Variants in CCDC7 observed in about 807,000 individuals in gnomAD.
CCDC7 encodes the protein coiled-coil domain containing 7, also known as coiled-coil domain-containing protein 7.
A neutral mutation model predicts 196.9 loss-of-function variants in CCDC7; 183 were observed. The ratio of observed to expected loss-of-function variants is 0.93; its 90% CI spans 0.82 to 1.05. The LOEUF is 1.05. Among genes scored for constraint, CCDC7 ranks in the 50% least tolerant of loss-of-function variants. The probability of loss-of-function intolerance (pLI) is 0.00; values close to 1 mark genes in which losing one functional copy is unlikely to be tolerated. For synonymous variants in CCDC7, 525 were observed against 484.6 expected (o/e 1.08, Z -1.10); for missense variants, 1,540 against 1,482.2 (o/e 1.04, Z -0.64).
At chr10:32,447,433 T>G (rs2031627975), upstream of CCDC7, among the ~76,000 whole-genome samples, 1 of 152,216 alleles carries the variant, frequency 6.6e-6, no homozygotes, top group African/African-American at 2.4e-5. Flanking sequence ...TTTGATGGAA[T>G]TTTTGATGTT....
intron 11 of CCDC7, among the ~76,000 whole-genome samples, chr10:32,529,893 T>C (rs1051600033): frequency 7.9e-5 from 12 of 152,340 alleles, no homozygotes; most frequent in African/African-American, 2.6e-4. Flanking sequence ...CTAGAATCTT[T>C]ACGGTTTCAG....
At chr10:32,684,956 AATTT>A (rs2076290527) in intron 21 of CCDC7, among the ~76,000 whole-genome samples, 1 of 17,978 alleles carries the variant, frequency 5.6e-5, no homozygotes, top group African/African-American at 9.1e-5. Flanking sequence ...GATTTAATTT[AATTT>A]TTTTTTTTTT....
intron 41 of CCDC7, among the ~76,000 whole-genome samples, chr10:32,872,987 A>G (rs1007953941): frequency 6.6e-6 from 1 of 151,848 alleles, no homozygotes; most frequent in Non-Finnish European, 1.5e-5. Context: ...CCTTCATTTC[A>G]ACTTTGGTGA....
intron 20 of CCDC7, among the ~76,000 whole-genome samples, chr10:32,658,813 G>A (rs532796609): frequency 1.4e-3 from 219 of 152,176 alleles, no homozygotes; most frequent in Middle Eastern, 0.014. Context: ...TTATACATTT[G>A]TTCTAGATTA....
At chr10:32,699,144 T>G (rs951626726) in intron 24 of CCDC7, among the ~76,000 whole-genome samples, 5 of 151,954 alleles carry the variant, frequency 3.3e-5, no homozygotes, top group Admixed American at 3.3e-4. Context: ...ATGTTGGTGT[T>G]CTGCACCCAT....
chr10:32,849,723 AAAG>A (rs1361176536), intron 39 of CCDC7, among the ~76,000 whole-genome samples: 4 of 151,694 alleles, frequency 2.6e-5, no homozygotes, highest in African/African-American at 7.3e-5. Context: ...AAAAAAAAGA[AAAG>A]AAAAATAGAA....
intron 41 of CCDC7, among the ~76,000 whole-genome samples, chr10:32,856,106 G>A (rs2093743199): frequency 6.6e-6 from 1 of 152,058 alleles, no homozygotes. Flanking sequence ...AAAACTAAGA[G>A]CTGTACTTTA....
intron 24 of CCDC7, among the ~76,000 whole-genome samples, chr10:32,697,592 C>G (rs1350983379): frequency 6.6e-6 from 1 of 152,168 alleles, no homozygotes; most frequent in Non-Finnish European, 1.5e-5. Context: ...AATCCGAGAT[C>G]AAACTGAGAG....
At chr10:32,753,834 TTGAAAAAA>T (rs2076010049) in intron 28 of CCDC7, among the ~76,000 whole-genome samples, 1 of 152,146 alleles carries the variant, frequency 6.6e-6, no homozygotes, top group Admixed American at 6.6e-5. Flanking sequence ...TGAAAATTGA[TTGAAAAAA>T]TGACATTTAC....
At chr10:32,566,833 G>T (rs2056864673) in intron 14 of CCDC7, among the ~76,000 whole-genome samples, 1 of 149,086 alleles carries the variant, frequency 6.7e-6, no homozygotes, top group South Asian at 2.1e-4. Flanking sequence ...GATAACTTAA[G>T]CCCAGGAGAC....
Position 32,522,747 on chromosome 10 carries a change from A to T in CCDC7, c.993+4242A>T, listed in dbSNP as rs145151403. 8.4e-3 allele frequency among the ~76,000 whole-genome samples: 1,278 copies of T among 151,860 alleles called. 27 individuals carry two copies. The highest frequency in any genetic ancestry group is 0.028 in the African/African-American group (1,177 of 41,416). Reference sequence around the variant, plus strand: ...ACTTTTCTAGTTTTTTTGTTGCTTCATTAGGTTATTTATGTGAAATTTTTC... The same window carrying T: ...ACTTTTCTAGTTTTTTTGTTGCTTCTTTAGGTTATTTATGTGAAATTTTTC... On this transcript the variant is annotated intron_variant, in intron 11 of 41. Transcript: ENST00000639629.
chr10:32,845,062 G>C (rs576130217), intron 33 of CCDC7, among the ~76,000 whole-genome samples, 181 bp from the exon 35 acceptor site: 1 of 151,696 alleles, frequency 6.6e-6, no homozygotes, highest in East Asian at 1.9e-4. Flanking sequence ...AATATTTATG[G>C]TTTATTCATA....
chr10:32,756,412 G>A (rs148140501), intron 28 of CCDC7, among the ~76,000 whole-genome samples: 6,056 of 152,312 alleles, frequency 0.04, 129 homozygotes, highest in Middle Eastern at 0.051. Context: ...GGATCTCTCC[G>A]CAGAAATTCT....
In CCDC7 at chr10:32,563,205, A is replaced by G. The variant is rs1426592394; in HGVS notation, c.1135-2353A>G. On this transcript the variant is annotated intron_variant, in intron 13 of 41. Coordinates refer to ENST00000639629, the Ensembl canonical transcript of CCDC7. ...CTCATGGGTAGGAAGAATCAATATC[A>G]TGAAAATGGCCATACTGCCCAAGGT... Among the ~76,000 whole-genome samples, 7 of 152,184 alleles carry G rather than the reference A, an allele frequency of 4.6e-5. 1 individual carries two copies. The highest frequency in any genetic ancestry group is 1.2e-4 in the African/African-American group (5 of 41,522).
chr10:32,853,058 A>G (rs1160293676), intron 40 of CCDC7, among the ~76,000 whole-genome samples: 1 of 152,114 alleles, frequency 6.6e-6, no homozygotes, highest in Non-Finnish European at 1.5e-5. Flanking sequence ...TGTTCATTAT[A>G]TTTTAGATAA....
At position 32,534,786 on chromosome 10, in the gene CCDC7, C is replaced by T. The variant is rs2050210729; in HGVS notation, c.994-8514C>T. On this transcript the variant is annotated intron_variant, in intron 11 of 41. Coordinates refer to ENST00000639629, the Ensembl canonical transcript of CCDC7. ...CTGCTGAATAGCCACTCTGACTTGA[C>T]ATCTCCTTTGGTCAAGTTACAGAGT... 4.6e-5 allele frequency among the ~76,000 whole-genome samples: 7 copies of T among 152,146 alleles called. No individual in the cohort carries two copies. In the South Asian group the frequency reaches 1.5e-3, roughly 32 times the overall value.
chr10:32,590,912 T>C lies in CCDC7; in HGVS notation c.1801+6608T>C, dbSNP rs574088098. ...TCCCTCTTGCTGCTTTTAGGATTCT[T>C]TCTTTATCCTTGACCTTTGGGAGTT... On this transcript the variant is annotated intron_variant, in intron 18 of 41. Transcript: ENST00000639629. Among the ~76,000 whole-genome samples, 4 of 152,304 alleles carry C rather than the reference T, an allele frequency of 2.6e-5. No homozygotes were observed. The South Asian group carries it at 8.3e-4, about 32-fold the overall frequency.
At chr10:32,677,535 A>C (rs1020575107) in intron 21 of CCDC7, among the ~76,000 whole-genome samples, 1 of 151,856 alleles carries the variant, frequency 6.6e-6, no homozygotes, top group Non-Finnish European at 1.5e-5. Context: ...AGTACTTTGA[A>C]TATATTATTT....
intron 8 of CCDC7, among the ~76,000 whole-genome samples, chr10:32,488,230 C>T (rs1361283705): frequency 2.6e-5 from 4 of 152,212 alleles, no homozygotes; most frequent in Non-Finnish European, 4.4e-5. Context: ...AGTTTGATCT[C>T]AGCCTGCTGT....
Sources: gnomAD v4.1 joint callset for allele counts (sites outside exome capture counted in the v4.1 genomes callset) on GRCh38, gnomAD v4.1.1 for gene constraint, MANE v1.5 for transcripts, NCBI Gene and HGNC (gene_info 2026-07-23, HGNC 2026-07-21) for gene names.